The following PUDP variants were observed in gnomAD, a reference collection of about 807,000 sequenced individuals.
PUDP encodes pseudouridine 5'-phosphatase.
In PUDP, 8 loss-of-function variants were observed where a neutral mutation model predicts 9.4. That is an observed-to-expected ratio of 0.85 (90% CI 0.50 to 1.53). The LOEUF is 1.53. Ranked by LOEUF, PUDP falls within the 40% of genes most tolerant of loss-of-function variation. The pLI is 0.00. For missense variants in PUDP, 188 were observed against 189.7 expected, an observed-to-expected ratio of 0.99 and a Z score of 0.05; for synonymous variants, 99 against 80.7, an observed-to-expected ratio of 1.23 and a Z score of -1.22.
At chrX:6,777,858 G>A (rs2146682158) in intron 3 of PUDP, among the ~76,000 whole-genome samples, 1 of 111,925 alleles carries the variant, frequency 8.9e-6, no homozygotes, top group South Asian at 3.7e-4. Flanking sequence ...CCGGAAACAG[G>A]TAAGGCTATC....
intron 3 of PUDP, among the ~76,000 whole-genome samples, chrX:6,924,819 G>A (rs1390101383): frequency 8.9e-6 from 1 of 112,612 alleles, no homozygotes; most frequent in Admixed American, 9.4e-5. Context: ...CTAGAGCTAT[G>A]CAATGTGCCT....
At chrX:6,892,004 C>A (rs1927524402) in intron 3 of PUDP, among the ~76,000 whole-genome samples, 1 of 112,076 alleles carries the variant, frequency 8.9e-6, no homozygotes, top group Non-Finnish European at 1.9e-5. Context: ...CCACAGCACT[C>A]AGCACAGTTG....
At chrX:6,766,767 T>C (rs1925290754) in intron 3 of PUDP, among the ~76,000 whole-genome samples, 1 of 112,034 alleles carries the variant, frequency 8.9e-6, no homozygotes, top group Non-Finnish European at 1.9e-5. Context: ...CTCCCCTCCT[T>C]AATTTTCAGC....
chrX:6,825,388 G>A (rs1193605561), intron 3 of PUDP, among the ~76,000 whole-genome samples: 2 of 111,384 alleles, frequency 1.8e-5, no homozygotes, highest in Non-Finnish European at 3.8e-5. Flanking sequence ...GCCCACCCGC[G>A]TGGTCTGATC....
chrX:6,886,449 T>C (rs1380702564), intron 3 of PUDP, among the ~76,000 whole-genome samples: 2 of 112,261 alleles, frequency 1.8e-5, no homozygotes, highest in Admixed American at 9.5e-5. Context: ...TATAAAGTAT[T>C]TCCCTCTGCA....
At chrX:6,833,974 C>T (rs1267246798) in intron 3 of PUDP, among the ~76,000 whole-genome samples, 1 of 111,809 alleles carries the variant, frequency 8.9e-6, no homozygotes, top group Non-Finnish European at 1.9e-5. Context: ...AAATGAAAAT[C>T]AAATCCCAAA....
chrX:7,131,796 A>G (rs1376797441), intron 1 of PUDP, among the ~76,000 whole-genome samples: 2 of 105,470 alleles, frequency 1.9e-5, no homozygotes, highest in African/African-American at 6.9e-5. Context: ...ATAAAATGTG[A>G]ATTCCTTAGC....
chrX:6,731,410 T>C (rs73188680), intron 3 of PUDP, among the ~76,000 whole-genome samples: 10,940 of 111,133 alleles, frequency 0.098, 540 homozygotes, highest in Middle Eastern at 0.22. Context: ...TGTCTGAGTC[T>C]TAACAAAATC....
chrX:6,923,140 GTCTTT>G (rs1369063377), intron 3 of PUDP, among the ~76,000 whole-genome samples: 1 of 111,325 alleles, frequency 9.0e-6, no homozygotes, highest in Admixed American at 9.6e-5. Flanking sequence ...CCTCCTTGAT[GTCTTT>G]TCTTTTATCT....
At chrX:6,898,707 C>T (rs1490310235) in intron 3 of PUDP, among the ~76,000 whole-genome samples, 1 of 112,232 alleles carries the variant, frequency 8.9e-6, no homozygotes, top group Non-Finnish European at 1.9e-5. Flanking sequence ...ACCAATAAAG[C>T]TTTTTTTCTG....
chrX:6,730,254 A>C (rs1302861216), intron 3 of PUDP, among the ~76,000 whole-genome samples: 1 of 112,194 alleles, frequency 8.9e-6, no homozygotes, highest in Non-Finnish European at 1.9e-5. Flanking sequence ...GATGATGCTG[A>C]CATGATCGCC....
At chrX:6,912,737 G>A (rs1927867225) in intron 3 of PUDP, among the ~76,000 whole-genome samples, 2 of 111,717 alleles carry the variant, frequency 1.8e-5, no homozygotes, top group Admixed American at 1.9e-4. Flanking sequence ...TATTTTGACT[G>A]GAAGCTTCTT....
intron 1 of PUDP, among the ~76,000 whole-genome samples, chrX:7,043,030 G>A (rs1297190832): frequency 8.9e-6 from 1 of 111,846 alleles, no homozygotes; most frequent in African/African-American, 3.3e-5. Flanking sequence ...TCCATAAACA[G>A]TGGGAGACAA....
intron 3 of PUDP, among the ~76,000 whole-genome samples, chrX:6,954,671 T>A (rs1928601285): frequency 1.8e-5 from 2 of 112,162 alleles, no homozygotes; most frequent in South Asian, 7.6e-4. Flanking sequence ...TTATGGTTCA[T>A]TACAGCTAAA....
chrX:6,801,878 T>C (rs140763965), intron 3 of PUDP, among the ~76,000 whole-genome samples: 35 of 111,959 alleles, frequency 3.1e-4, no homozygotes, highest in African/African-American at 1.0e-3. Flanking sequence ...TGAGCGAAGA[T>C]GTGTTGGCTG....
chrX:7,056,974 TA>T (rs746572575), intron 3 of PUDP, among the ~76,000 whole-genome samples: 72 of 111,807 alleles, frequency 6.4e-4, no homozygotes, highest in Admixed American at 6.2e-3. Context: ...TGAGCTTAAT[TA>T]AACTGTAGCT....
chrX:6,900,330 G>T (rs986603159), intron 3 of PUDP, among the ~76,000 whole-genome samples: 3 of 106,851 alleles, frequency 2.8e-5, no homozygotes, highest in South Asian at 4.4e-4. Context: ...ACCACTTGGG[G>T]GGGGGGGCGC....
intron 3 of PUDP, among the ~76,000 whole-genome samples, chrX:7,074,150 A>T (rs933106067): frequency 4.4e-5 from 5 of 112,506 alleles, no homozygotes; most frequent in Non-Finnish European, 7.5e-5. Context: ...GTCTCAAGCT[A>T]CTGGGCTCAA....
intron 3 of PUDP, among the ~76,000 whole-genome samples, chrX:6,937,085 C>A (rs1436490060): frequency 1.9e-5 from 2 of 104,792 alleles, no homozygotes; most frequent in African/African-American, 3.5e-5. Flanking sequence ...CAATGCCATC[C>A]CCATCAAGCT....
Sources: gnomAD v4.1 joint callset for allele counts (sites outside exome capture counted in the v4.1 genomes callset) on GRCh38, gnomAD v4.1.1 for gene constraint, MANE v1.5 for transcripts, NCBI Gene and HGNC (gene_info 2026-07-23, HGNC 2026-07-21) for gene names.